TRMT2B: variants seen among roughly 807,000 people sequenced by gnomAD.
The protein encoded by TRMT2B is tRNA (uracil-5-)-methyltransferase homolog B.
TRMT2B carries 34 observed loss-of-function variants against 39.7 expected under a neutral mutation model. The ratio of observed to expected loss-of-function variants is 0.86; its 90% CI spans 0.65 to 1.14. The LOEUF (loss-of-function observed/expected upper bound fraction) is 1.14, where lower values mean the gene tolerates loss of function less well. TRMT2B is among the 50% of genes most tolerant of loss of function. TRMT2B has a pLI of 0.00. For missense variants in TRMT2B, 318 were observed against 377.2 expected, an observed-to-expected ratio of 0.84 and a Z score of 1.30; for synonymous variants, 132 against 137.3, an observed-to-expected ratio of 0.96 and a Z score of 0.27.
chrX:101,022,903 T>G (rs2086871062), intron 8 of TRMT2B, among the ~76,000 whole-genome samples: 1 of 112,128 alleles, frequency 8.9e-6, no homozygotes, highest in African/African-American at 3.2e-5. Flanking sequence ...GTTAAAAACA[T>G]CAGGCATCAA....
At chrX:100,990,623 A>G in the TRMT2B span, 4 of 1,118,768 alleles carry the variant, frequency 3.6e-6, no homozygotes, top group Non-Finnish European at 4.8e-6. Context: ...ATCCATTGAG[A>G]ATGAAGACCA....
At chrX:101,007,795 T>A (rs1229653199), downstream of TRMT2B, among the ~76,000 whole-genome samples, 2 of 111,143 alleles carry the variant, frequency 1.8e-5, no homozygotes, top group Admixed American at 9.6e-5. Flanking sequence ...ACTCCTGGGT[T>A]CAAGCAATCC....
rs1428543598 is a variant in TRMT2B at position 101,051,302 on chromosome X, G to C, written c.-75C>G. ...GAGCAAAATGTTCACCCACCGACAA[G>C]GGTCCTGCTTGCACTCTCTGCTCAC... On this transcript the variant is annotated 5_prime_UTR_variant, in exon 2 of 14. Coordinates refer to ENST00000372936, the MANE Select transcript of TRMT2B (RefSeq NM_024917.6). 2 of 751,641 alleles carry C rather than the reference G, an allele frequency of 2.7e-6. No individual in the cohort carries two copies. The highest frequency in any genetic ancestry group is 1.5e-4 in the East Asian group (1 of 6,536). The allele number at this position is 751,641 out of a possible 1,213,427, so 61.9% of individuals were successfully genotyped here.
Position 101,010,031 on chromosome X carries a change from C to G in TRMT2B, c.*550G>C, listed in dbSNP as rs2086186853. On this transcript the variant is annotated 3_prime_UTR_variant, in exon 14 of 14. Coordinates refer to ENST00000372936, the MANE Select transcript of TRMT2B (RefSeq NM_024917.6). The stretch of plus-strand genomic sequence containing the variant: ...AAACTAGAACCAAGGCTGACAGCAA[C>G]AGGAAGAAACAGTCCAGATCCAGGA... 9.0e-6 allele frequency: 1 copy of G among 111,268 alleles called. No homozygotes were observed. The highest frequency in any genetic ancestry group is 3.3e-5 in the African/African-American group (1 of 30,568). The allele number at this position is 111,268 out of a possible 1,213,427, so 9.2% of individuals were successfully genotyped here.
the TRMT2B span, among the ~76,000 whole-genome samples, chrX:100,992,144 A>C: frequency 4.5e-5 from 5 of 111,495 alleles, no homozygotes; most frequent in Non-Finnish European, 7.5e-5. Context: ...ATACATACCC[A>C]CAAAATGTGT....
At chrX:100,973,429 G>T in the TRMT2B span, among the ~76,000 whole-genome samples, 1 of 105,936 alleles carries the variant, frequency 9.4e-6, no homozygotes, top group Non-Finnish European at 2.0e-5. Context: ...CCCGGGCGGC[G>T]CTCGCCGGCG....
chrX:101,008,724 A>G (rs145303732), downstream of TRMT2B, among the ~76,000 whole-genome samples: 2 of 111,910 alleles, frequency 1.8e-5, no homozygotes, highest in Non-Finnish European at 3.8e-5. Context: ...TTGATATACA[A>G]ACTAACCAAT....
chrX:100,992,892 C>A, the TRMT2B span, among the ~76,000 whole-genome samples: 8 of 111,451 alleles, frequency 7.2e-5, no homozygotes, highest in Non-Finnish European at 3.8e-5. Context: ...CTTGCTCTAC[C>A]CTATACCATC....
At chrX:101,050,170 C>T in intron 2 of TRMT2B, among the ~76,000 whole-genome samples, 1 of 112,066 alleles carries the variant, frequency 8.9e-6, no homozygotes, top group Middle Eastern at 4.2e-3. Flanking sequence ...CCCTATACCC[C>T]AGCAGGAGGG....
intron 4 of TRMT2B, among the ~76,000 whole-genome samples, chrX:101,041,012 G>C (rs34346269): frequency 9.0e-6 from 1 of 110,915 alleles, no homozygotes; most frequent in African/African-American, 3.3e-5. Flanking sequence ...GAGTTCAAGA[G>C]CAGCCTGGCC....
chrX:100,974,149 G>A, the TRMT2B span: 1 of 1,192,215 alleles, frequency 8.4e-7, no homozygotes, highest in Non-Finnish European at 1.1e-6. Context: ...CCCTATCATT[G>A]GCTTGAACAA....
intron 6 of TRMT2B, among the ~76,000 whole-genome samples, chrX:101,036,002 G>A (rs1400687534): frequency 2.7e-5 from 3 of 112,037 alleles, no homozygotes; most frequent in East Asian, 2.8e-4. Context: ...GAACACTGAC[G>A]TCACAGTCAT....
At chrX:100,996,472 C>G in the TRMT2B span, among the ~76,000 whole-genome samples, 1 of 111,695 alleles carries the variant, frequency 9.0e-6, no homozygotes, top group Non-Finnish European at 1.9e-5. Flanking sequence ...TCTCAATTAC[C>G]CTGATCTGAT....
rs759103931 is a variant in TRMT2B at position 101,047,849 on chromosome X, G to T, written c.-24+3402C>A. ...CTTAAAAAAAAAAAACAGAGATGGG[G>T]TCTCGCTATGTTTTCCAGGCTGGTC... On this transcript the variant is annotated intron_variant, in intron 2 of 13. Coordinates refer to ENST00000372936, the MANE Select transcript of TRMT2B (RefSeq NM_024917.6). Among the ~76,000 whole-genome samples, 10 of 108,875 alleles carry T rather than the reference G, an allele frequency of 9.2e-5. No homozygotes were observed. In the East Asian group the frequency reaches 2.6e-3, roughly 29 times the overall value. The allele number at this position is 108,875 out of a possible 115,157, so 94.5% of individuals were successfully genotyped here.
chrX:101,020,547 G>A lies in TRMT2B; in HGVS notation c.1108C>T (p.Leu370Phe). The A allele has an allele frequency of 1.7e-6, 2 of 1,211,186 alleles. No individual in the cohort carries two copies. The highest frequency in any genetic ancestry group is 1.1e-6 in the Non-Finnish European group (1 of 894,977). ...GCCTGCTCCAACAATTCAATCCCAA[G>A]GACCCGAGATGTATGCTGAGCCAGA... ...LSLAQHTSRV[L>F]GIELLEQAVE... The change falls in exon 11 of 14, where the codon CTT becomes TTT. Residue 370 changes from leucine (L) to phenylalanine (F), a missense_variant. Transcript: ENST00000372936.
chrX:100,973,998 C>G, the TRMT2B span: 1 of 599,466 alleles, frequency 1.7e-6, no homozygotes. Context: ...TTGGCTGGGC[C>G]TTTTATGGTA....
rs753360973 is a variant in TRMT2B at position 101,032,205 on chromosome X, C to G, written c.609+3408G>C. On this transcript the variant is annotated intron_variant, in intron 7 of 13. Transcript: ENST00000372936. ...GGAGGCTGAGGCAGGAGAATCACTTCAACACAGGAGGCAGAGGTTGCAGTG... is the reference window on the plus strand; with the variant it reads ...GGAGGCTGAGGCAGGAGAATCACTTGAACACAGGAGGCAGAGGTTGCAGTG... Among the ~76,000 whole-genome samples, 8 of 106,708 alleles carry G rather than the reference C, an allele frequency of 7.5e-5. No individual in the cohort carries two copies. The South Asian group carries it at 2.4e-3, about 33-fold the overall frequency. 92.7% of individuals were successfully genotyped at this position (106,708 alleles called of 115,157 possible). A position where few individuals can be genotyped will look rare whatever the true frequency, so the allele number is the denominator to read the frequency against.
chrX:101,027,119 A>G (rs918238202), intron 7 of TRMT2B, among the ~76,000 whole-genome samples: 3 of 110,864 alleles, frequency 2.7e-5, no homozygotes, highest in African/African-American at 9.8e-5. Context: ...CCAATGGTCC[A>G]CTCTAAGTCC....
chrX:101,038,048 T>C lies in TRMT2B; in HGVS notation c.307A>G (p.Lys103Glu), dbSNP rs1281847898. The C allele has an allele frequency of 8.3e-7, 1 of 1,209,940 alleles. No homozygotes were observed. Reference sequence around the variant, plus strand: ...AAAATTTTCTTCTGAGCTGCAAATTTCACCTGCAAAAGAATATAAGCTATG... The same window carrying C: ...AAAATTTTCTTCTGAGCTGCAAATTCCACCTGCAAAAGAATATAAGCTATG... Reference protein sequence around the residue: ...RLSYEEQLKVKFAAQKKILQR... With the variant: ...RLSYEEQLKVEFAAQKKILQR... The change falls in exon 5 of 14, where the codon AAA becomes GAA. Residue 103 changes from lysine (K) to glutamate (E), a missense_variant. Coordinates refer to ENST00000372936, the MANE Select transcript of TRMT2B (RefSeq NM_024917.6).
Sources: allele counts gnomAD v4.1 joint callset (sites outside exome capture counted in the v4.1 genomes callset), GRCh38; gene constraint gnomAD v4.1.1; transcripts MANE v1.5; gene names NCBI Gene and HGNC (gene_info 2026-07-23, HGNC 2026-07-21).